The following SURF1 variants were observed in gnomAD, a reference collection of about 807,000 sequenced individuals.
SURF1 encodes the protein surfeit locus protein 1.
SURF1 carries 45 observed loss-of-function variants against 34.1 expected under a neutral mutation model. That is an observed-to-expected ratio of 1.32 (90% CI 1.04 to 1.69). SURF1 has a LOEUF of 1.69. Ranked by LOEUF, SURF1 falls within the 40% of genes most tolerant of loss-of-function variation. The probability of loss-of-function intolerance (pLI) is 0.00; values close to 1 mark genes in which losing one functional copy is unlikely to be tolerated. For synonymous variants in SURF1, 188 were observed against 147.5 expected, an observed-to-expected ratio of 1.27 and a Z score of -1.99; for missense variants, 456 against 384.6, an observed-to-expected ratio of 1.19 and a Z score of -1.55.
At chr9:133,353,708 T>C (rs1376396427) in intron 5 of SURF1, 41 bp downstream of exon 5, 3 of 1,609,966 alleles carry the variant, frequency 1.9e-6, no homozygotes, top group Non-Finnish European at 1.7e-6. Context: ...ATACCCTGAC[T>C]GCCTCTGCCA....
chr9:133,355,437 G>A (rs2130021696), intron 2 of SURF1, among the ~76,000 whole-genome samples: 1 of 152,146 alleles, frequency 6.6e-6, no homozygotes, highest in Non-Finnish European at 1.5e-5. Context: ...AAAATTAGCT[G>A]AGCACGATGG....
In SURF1 at chr9:133,352,382, G is replaced by A. The variant is rs2130006476; in HGVS notation, c.751+64C>T. The A allele has an allele frequency of 2.0e-5, 33 of 1,612,034 alleles. No homozygotes were observed. The Admixed American group carries it at 3.5e-4, about 17-fold the overall frequency. On this transcript the variant is annotated intron_variant, in intron 7 of 8. Coordinates refer to ENST00000371974, the MANE Select transcript of SURF1 (RefSeq NM_003172.4). The stretch of plus-strand genomic sequence containing the variant: ...CCACAGTAGTGACTGGGCAATGAGG[G>A]TTAGGAGGAAGGACAGTATTCACAA...
chr9:133,356,331 G>A lies in SURF1; in HGVS notation c.55-11C>T, dbSNP rs1285363984. 3 of 1,512,800 alleles carry A rather than the reference G, an allele frequency of 2.0e-6. No homozygotes were observed. Among genetic ancestry groups the A allele is most frequent in the Non-Finnish European group, 8.8e-7 (1 of 1,137,654 alleles). 93.7% of individuals were successfully genotyped at this position (1,512,800 alleles called of 1,614,324 possible). A position where few individuals can be genotyped will look rare whatever the true frequency, so the allele number is the denominator to read the frequency against. On this transcript the variant is annotated splice_polypyrimidine_tract_variant and intron_variant, in intron 1 of 8. Transcript: ENST00000371974. ...GGCGCTGGCCGGGGCCTGCGGACAC[G>A]GACGGGCGGGCTGAGCTCCGGGACC... is the stretch of plus-strand genomic sequence containing the variant.
rs2130006688 is a variant in SURF1 at position 133,352,419 on chromosome 9, TC to T, written c.751+26del. The T allele has an allele frequency of 3.7e-6, 6 of 1,614,202 alleles. No homozygotes were observed. The African/African-American group carries it at 6.7e-5, about 18-fold the overall frequency. On this transcript the variant is annotated intron_variant, in intron 7 of 8. Transcript: ENST00000371974. Reference sequence around the variant, plus strand: ...GACAGTATTCACAAAAGCTACTTGTTCCGAGATGGGCTGGTCCACAACGTAC... The same window carrying T: ...GACAGTATTCACAAAAGCTACTTGTTCGAGATGGGCTGGTCCACAACGTAC...
chr9:133,353,794 T>C lies in SURF1; in HGVS notation c.470A>G (p.Gln157Arg). 1 of 1,613,800 alleles carries C rather than the reference T, an allele frequency of 6.2e-7. No individual in the cohort carries two copies. Among genetic ancestry groups the C allele is most frequent in the Non-Finnish European group, 8.5e-7 (1 of 1,180,030 alleles). ...GGGAGTGACCACATAGGCCCCACTC[T>C]GAGTTGAGGAGGAGATGAGGCCGCC... The part of the protein sequence containing the change: ...REGGLISSST[Q>R]SGAYVVTPFH... Residue 157 changes from glutamine (Q) to arginine (R), a missense_variant, in exon 5 of 9, where the codon CAG becomes CGG. Gln to Arg is a conservative substitution (Grantham distance 43). Coordinates refer to ENST00000371974, the MANE Select transcript of SURF1 (RefSeq NM_003172.4).
In SURF1 at chr9:133,354,650, T is replaced by C; in HGVS notation, c.323+9A>G. ...AAAACAGGCCCTAGGGGGGCAGCCA[T>C]GCACTCACTCGGCTGGCAGAGGGAC... On this transcript the variant is annotated intron_variant, in intron 4 of 8. Coordinates refer to ENST00000371974, the MANE Select transcript of SURF1 (RefSeq NM_003172.4). 1 of 1,612,408 alleles carries C rather than the reference T, an allele frequency of 6.2e-7. No homozygotes were observed. Among genetic ancestry groups the C allele is most frequent in the Non-Finnish European group, 8.5e-7 (1 of 1,180,002 alleles).
chr9:133,351,827 A>G lies in SURF1; in HGVS notation c.*86T>C, dbSNP rs1379623129. The G allele has an allele frequency of 6.9e-7, 1 of 1,439,550 alleles. No homozygotes were observed. The highest frequency in any genetic ancestry group is 9.6e-7 in the Non-Finnish European group (1 of 1,040,198). The allele number at this position is 1,439,550 out of a possible 1,614,324, so 89.2% of individuals were successfully genotyped here. On this transcript the variant is annotated 3_prime_UTR_variant, in exon 9 of 9. Coordinates refer to ENST00000371974, the MANE Select transcript of SURF1 (RefSeq NM_003172.4). ...AGCTCATTTAAGGTAGAAGGCCAGA[A>G]CTTTATACCAGTAGCACATGATCCA...
chr9:133,353,636 T>C (rs914247610), intron 5 of SURF1, 113 bp downstream of exon 5: 1 of 1,252,064 alleles, frequency 8.0e-7, no homozygotes, highest in Non-Finnish European at 1.2e-6. Context: ...CCTGGGTATC[T>C]TGGGTTCCCC....
Position 133,356,325 on chromosome 9 carries a change from G to A in SURF1, c.55-5C>T, listed in dbSNP as rs1323605640. On this transcript the variant is annotated splice_polypyrimidine_tract_variant and splice_region_variant and intron_variant, in intron 1 of 8. Coordinates refer to ENST00000371974, the MANE Select transcript of SURF1 (RefSeq NM_003172.4). Reference sequence around the variant, plus strand: ...CCAGGCGGCGCTGGCCGGGGCCTGCGGACACGGACGGGCGGGCTGAGCTCC... The same window carrying A: ...CCAGGCGGCGCTGGCCGGGGCCTGCAGACACGGACGGGCGGGCTGAGCTCC... 2 of 1,515,040 alleles carry A rather than the reference G, an allele frequency of 1.3e-6. No homozygotes were observed. The highest frequency in any genetic ancestry group is 2.0e-5 in the Admixed American group (1 of 49,282). The allele number at this position is 1,515,040 out of a possible 1,614,324, so 93.8% of individuals were successfully genotyped here.
intron 2 of SURF1, 142 bp downstream of exon 2, chr9:133,356,127 C>T (rs1167014369): frequency 1.3e-5 from 14 of 1,118,274 alleles, no homozygotes; most frequent in African/African-American, 1.6e-5. Context: ...CATTTTAATA[C>T]GGAACTTGTC....
chr9:133,352,062 A>G lies in SURF1; in HGVS notation c.832T>C (p.Trp278Arg). 1.2e-6 allele frequency: 2 copies of G among 1,611,954 alleles called. No homozygotes were observed. The highest frequency in any genetic ancestry group is 1.7e-6 in the Non-Finnish European group (2 of 1,179,044). The stretch of plus-strand genomic sequence containing the variant: ...GCCAGAGGGCCGCTGGGGACTCACC[A>G]GGTCACGATGTACTGCAGATGCTCG... ...RNEHLQYIVT[W>R]YGLSAATSYL... is the part of the protein sequence containing the mutation. The change falls in exon 8 of 9, where the codon TGG becomes CGG. Residue 278 changes from tryptophan (W) to arginine (R), a missense_variant and splice_region_variant. Transcript: ENST00000371974.
chr9:133,354,279 T>C, intron 4 of SURF1: 2 of 489,146 alleles, frequency 4.1e-6, no homozygotes, highest in East Asian at 4.0e-5. Flanking sequence ...CTGTAGGGCA[T>C]ATTCTAGGGA....
chr9:133,352,019 T>C, intron 8 of SURF1, 37 bp from the exon 9 acceptor site: 3 of 1,613,074 alleles, frequency 1.9e-6, no homozygotes, highest in Non-Finnish European at 2.5e-6. Flanking sequence ...AGCAGGCTGC[T>C]AGGCTGAAGG....
rs2130019003 is a variant in SURF1, at chr9:133,354,831, G to A, written c.233C>T (p.Thr78Ile). Residue 78 changes from threonine to isoleucine, a missense_variant, in exon 3 of 9, where the codon ACA becomes ATA. Thr to Ile is a moderately conservative substitution (Grantham distance 89, BLOSUM62 -1). Coordinates refer to ENST00000371974, the MANE Select transcript of SURF1 (RefSeq NM_003172.4). ...CCAGATGCCGGTCTTTACCTGCCAT[G>A]TCCCCAAGCCAAAGGCAGTCACAGG... ...LIPVTAFGLG[T>I]WQVQRRKWKL... The A allele has an allele frequency of 9.3e-6, 15 of 1,613,806 alleles. No homozygotes were observed. The African/African-American group carries it at 1.1e-4, about 11-fold the overall frequency.
At chr9:133,353,329 G>A (rs1836484610) in intron 5 of SURF1, among the ~76,000 whole-genome samples, 2 of 152,182 alleles carry the variant, frequency 1.3e-5, no homozygotes, top group Admixed American at 1.3e-4. Context: ...TGCCTGGAAT[G>A]TTCTTCCCAT....
rs2130003404 is a variant in SURF1, at chr9:133,351,988, G to T, written c.834-6C>A. The T allele has an allele frequency of 6.2e-7, 1 of 1,613,826 alleles. No homozygotes were observed. Among genetic ancestry groups the T allele is most frequent in the Non-Finnish European group, 8.5e-7 (1 of 1,179,928 alleles). On this transcript the variant is annotated splice_region_variant and splice_polypyrimidine_tract_variant and intron_variant, in intron 8 of 8. Coordinates refer to ENST00000371974, the MANE Select transcript of SURF1 (RefSeq NM_003172.4). The stretch of plus-strand genomic sequence containing the variant: ...TAGCTGCAGAGAGTCCATACCTAGG[G>T]GTTGAAAGCAAGCCAGCATTAGCAG...
rs2130017811 is a variant in SURF1, at chr9:133,354,668, A to G, written c.314T>C (p.Leu105Pro). ...GCAGCCATGCACTCACTCGGCTGGC[A>G]GAGGGACAGGCTCAGCCAGAACTCT... Reference protein sequence around the residue: ...ESRVLAEPVPLPADPMELKNL... With the variant: ...ESRVLAEPVPPPADPMELKNL... The change falls in exon 4 of 9, where the codon CTG becomes CCG. Residue 105 changes from leucine to proline, a missense_variant. Transcript: ENST00000371974. 1 of 1,611,072 alleles carries G rather than the reference A, an allele frequency of 6.2e-7. No homozygotes were observed. The highest frequency in any genetic ancestry group is 1.7e-5 in the Admixed American group (1 of 60,024).
chr9:133,354,316 T>C, intron 4 of SURF1: 1 of 486,896 alleles, frequency 2.1e-6, no homozygotes, highest in African/African-American at 1.9e-5. Context: ...TTCAGGGCAC[T>C]TTTTCAAACG....
rs2130004287 is a variant in SURF1 at position 133,352,077 on chromosome 9, G to A, written c.817C>T (p.Gln273Ter). The change falls in exon 8 of 9, where the codon CAG (glutamine) becomes TAG (stop). Residue 273 changes from glutamine to a stop codon, truncating the protein, a stop_gained. Coordinates refer to ENST00000371974, the MANE Select transcript of SURF1 (RefSeq NM_003172.4). LOFTEE classifies it high-confidence loss of function. ...GGGACTCACCAGGTCACGATGTACT[G>A]CAGATGCTCGTTCCTCAGAGTAACT... ...TRVTLRNEHL[Q>*]YIVTWYGLSA... 4 of 1,611,464 alleles carry A rather than the reference G, an allele frequency of 2.5e-6. No individual in the cohort carries two copies. The highest frequency in any genetic ancestry group is 2.2e-5 in the East Asian group (1 of 44,850).
Sources: allele counts gnomAD v4.1 joint callset (sites outside exome capture counted in the v4.1 genomes callset), GRCh38; gene constraint gnomAD v4.1.1; transcripts MANE v1.5; gene names NCBI Gene and HGNC (gene_info 2026-07-23, HGNC 2026-07-21).